The following WDFY3 variants were observed in gnomAD, a reference collection of about 807,000 sequenced individuals.
WDFY3 encodes WD repeat and FYVE domain containing 3, also known as WD repeat and FYVE domain-containing protein 3.
WDFY3 carries 66 observed loss-of-function variants against 409.6 expected under a neutral mutation model. That is an observed-to-expected ratio of 0.16 (90% CI 0.13 to 0.20). WDFY3 has a LOEUF of 0.20. Ranked by LOEUF, WDFY3 falls within the 10% of genes least tolerant of loss-of-function variation. The probability of loss-of-function intolerance (pLI) is 1.00; values close to 1 mark genes in which losing one functional copy is unlikely to be tolerated. For missense variants in WDFY3, 3,031 were observed against 4,298.1 expected, an observed-to-expected ratio of 0.71 and a Z score of 8.24; for synonymous variants, 1,521 against 1,537.1, an observed-to-expected ratio of 0.99 and a Z score of 0.25.
At chr4:84,704,953 C>T (rs1731676782) in intron 54 of WDFY3, among the ~76,000 whole-genome samples, 1 of 152,070 alleles carries the variant, frequency 6.6e-6, no homozygotes, top group Non-Finnish European at 1.5e-5. Flanking sequence ...GGAGAAACAC[C>T]ATAAACATTA....
intron 21 of WDFY3, among the ~76,000 whole-genome samples, chr4:84,792,917 G>A (rs939536023): frequency 1.3e-5 from 2 of 151,914 alleles, no homozygotes; most frequent in African/African-American, 4.8e-5. Flanking sequence ...TAGATGACAG[G>A]GCAGCTTAGA....
chr4:84,706,481 A>G (rs1257292191), intron 53 of WDFY3, among the ~76,000 whole-genome samples: 1 of 151,926 alleles, frequency 6.6e-6, no homozygotes, highest in Non-Finnish European at 1.5e-5. Flanking sequence ...CCTTGACCCT[A>G]CGATTGAGTA....
chr4:84,691,018 G>A lies in WDFY3; in HGVS notation c.9205-354C>T, dbSNP rs1472972934. Reference sequence around the variant, plus strand: ...TTGCTGTAGACAGAATGTGAAAAGAGAGCACGACTGCTGCTAAGGAGAACA... The same window carrying A: ...TTGCTGTAGACAGAATGTGAAAAGAAAGCACGACTGCTGCTAAGGAGAACA... On this transcript the variant is annotated intron_variant, in intron 60 of 67. Transcript: ENST00000295888. 3.3e-5 allele frequency among the ~76,000 whole-genome samples: 5 copies of A among 152,304 alleles called. No individual in the cohort carries two copies. The South Asian group carries it at 6.2e-4, about 19-fold the overall frequency.
At chr4:84,709,790 G>C (rs1732578356) in intron 51 of WDFY3, among the ~76,000 whole-genome samples, 1 of 152,180 alleles carries the variant, frequency 6.6e-6, no homozygotes. Context: ...GCAGTGGCAT[G>C]GTCTCAGCTC....
At chr4:84,785,669 AAAGTT>A (rs1395470232) in intron 24 of WDFY3, among the ~76,000 whole-genome samples, 1 of 152,212 alleles carries the variant, frequency 6.6e-6, no homozygotes, top group East Asian at 1.9e-4. Flanking sequence ...CATTCGTTAA[AAAGTT>A]GAGTTGTAGC....
intron 29 of WDFY3, among the ~76,000 whole-genome samples, chr4:84,774,128 G>C (rs1745159797): frequency 1.3e-5 from 2 of 152,196 alleles, no homozygotes; most frequent in African/African-American, 4.8e-5. Flanking sequence ...AAATGGGTGT[G>C]ATTTCACCTG....
intron 2 of WDFY3, 114 bp from the exon 3 acceptor site, chr4:84,897,124 T>C (rs1483381181): frequency 2.0e-5 from 3 of 152,238 alleles, no homozygotes; most frequent in Non-Finnish European, 2.9e-5. Flanking sequence ...TCAACCTTGG[T>C]TGGATACTGG....
chr4:84,721,602 G>C (rs1734863744), intron 46 of WDFY3, 30 bp from the exon 47 acceptor site: 1 of 1,598,180 alleles, frequency 6.3e-7, no homozygotes, highest in South Asian at 1.1e-5. Context: ...AGGGCCATGT[G>C]GCATTGTAAG....
intron 43 of WDFY3, 30 bp from the exon 44 acceptor site, chr4:84,733,639 A>C (rs1018699394): frequency 2.5e-6 from 4 of 1,574,750 alleles, no homozygotes; most frequent in Non-Finnish European, 3.4e-6. Flanking sequence ...GTCGGTTTTC[A>C]AGCAAAAGCA....
At chr4:84,769,665 A>G (rs1299568604) in intron 30 of WDFY3, among the ~76,000 whole-genome samples, 1 of 151,558 alleles carries the variant, frequency 6.6e-6, no homozygotes, top group Admixed American at 6.6e-5. Context: ...CTCGTGATCC[A>G]CCCGCCTTGG....
At chr4:84,833,489 C>A (rs1277140860) in intron 7 of WDFY3, among the ~76,000 whole-genome samples, 1 of 151,828 alleles carries the variant, frequency 6.6e-6, no homozygotes, top group Non-Finnish European at 1.5e-5. Flanking sequence ...CCAGCCTGGG[C>A]AACATGGTAA....
At chr4:84,860,283 C>A in intron 4 of WDFY3, 129 bp downstream of exon 4, 1 of 1,086,910 alleles carries the variant, frequency 9.2e-7, no homozygotes, top group Non-Finnish European at 1.3e-6. Flanking sequence ...AAACATGAAA[C>A]GAGAACACCA....
At chr4:84,800,043 G>GA (rs1750232072) in intron 17 of WDFY3, among the ~76,000 whole-genome samples, 1 of 152,124 alleles carries the variant, frequency 6.6e-6, no homozygotes, top group Non-Finnish European at 1.5e-5. Context: ...AGGATCAGGG[G>GA]AAAATCTCAA....
At chr4:84,844,215 T>C (rs769285476) in intron 5 of WDFY3, among the ~76,000 whole-genome samples, 5 of 152,168 alleles carry the variant, frequency 3.3e-5, no homozygotes, top group Admixed American at 6.5e-5. Flanking sequence ...AATACAAGTT[T>C]TCCTTTGCAA....
intron 5 of WDFY3, chr4:84,844,504 G>A (rs951670312): frequency 7.8e-7 from 1 of 1,289,312 alleles, no homozygotes; most frequent in Non-Finnish European, 1.0e-6. Flanking sequence ...AGGGCACACT[G>A]TTTTTCTGTT....
chr4:84,863,561 A>C (rs958069667), intron 3 of WDFY3, among the ~76,000 whole-genome samples: 3 of 152,146 alleles, frequency 2.0e-5, no homozygotes, highest in Non-Finnish European at 4.4e-5. Context: ...TCACTTTTTA[A>C]TCAGGTTATT....
At chr4:84,696,961 GAT>G in intron 56 of WDFY3, 138 bp from the exon 57 acceptor site, 1 of 666,934 alleles carries the variant, frequency 1.5e-6, no homozygotes. Flanking sequence ...GGACTTCAGA[GAT>G]TATCAACTCT....
rs6838727 is a variant in WDFY3 at position 84,735,197 on chromosome 4, T to C, written c.6916-77A>G. On this transcript the variant is annotated intron_variant, in intron 42 of 67. Coordinates refer to ENST00000295888, the MANE Select transcript of WDFY3 (RefSeq NM_014991.6). ...AATAGTTAATTACCCTTGAAATTAA[T>C]GCTAAATAATTGGTTAAAATTCTGC... is the stretch of plus-strand genomic sequence containing the variant. 405,701 of 1,300,834 alleles carry C rather than the reference T, an allele frequency of 0.31. 65,550 individuals are homozygous for C. The highest frequency in any genetic ancestry group is 0.4 in the East Asian group (16,615 of 41,714). 80.6% of individuals were successfully genotyped at this position (1,300,834 alleles called of 1,614,324 possible). A position where few individuals can be genotyped will look rare whatever the true frequency, so the allele number is the denominator to read the frequency against.
At chr4:84,882,896 T>TG (rs1309824260) in intron 3 of WDFY3, among the ~76,000 whole-genome samples, 1 of 152,048 alleles carries the variant, frequency 6.6e-6, no homozygotes, top group Non-Finnish European at 1.5e-5. Context: ...TTTGTAGAGT[T>TG]GGGGTCTCAC....
Sources: allele counts gnomAD v4.1 joint callset (sites outside exome capture counted in the v4.1 genomes callset), GRCh38; gene constraint gnomAD v4.1.1; transcripts MANE v1.5; gene names NCBI Gene and HGNC (gene_info 2026-07-23, HGNC 2026-07-21).